Variants in ATP8A2 observed in about 807,000 individuals in gnomAD.
The protein encoded by ATP8A2 is phospholipid-transporting ATPase IB.
In ATP8A2, 100 loss-of-function variants were observed where a neutral mutation model predicts 165.6. The observed-to-expected ratio is 0.60, with a 90% CI of 0.51 to 0.71. ATP8A2 has a LOEUF of 0.71. ATP8A2 is among the 30% of genes least tolerant of loss of function. ATP8A2 has a pLI of 0.00. For synonymous variants in ATP8A2, 543 were observed against 548.8 expected, an observed-to-expected ratio of 0.99 and a Z score of 0.15; for missense variants, 1,227 against 1,479.5, an observed-to-expected ratio of 0.83 and a Z score of 2.80.
rs1957060209 is a variant in ATP8A2, at chr13:26,020,025, G to A, written c.*40G>A. 3 of 1,423,796 alleles carry A rather than the reference G, an allele frequency of 2.1e-6. No homozygotes were observed. The highest frequency in any genetic ancestry group is 1.7e-5 in the Admixed American group (1 of 59,472). 88.2% of individuals were successfully genotyped at this position (1,423,796 alleles called of 1,614,324 possible). On this transcript the variant is annotated 3_prime_UTR_variant, in exon 37 of 37. Transcript: ENST00000381655. ...TGACTGATCTTAGGAAAGAGATTCA[G>A]TTTGTTGCACCCAGTGTTAACACAT...
intron 35 of ATP8A2, among the ~76,000 whole-genome samples, chr13:26,001,726 T>A (rs1445941739): frequency 6.6e-6 from 1 of 152,232 alleles, no homozygotes; most frequent in East Asian, 1.9e-4. Context: ...TTGTTTGTTT[T>A]TTTGCTTTTG....
chr13:25,426,311 C>G (rs986877636), intron 1 of ATP8A2, among the ~76,000 whole-genome samples: 1 of 152,104 alleles, frequency 6.6e-6, no homozygotes, highest in Non-Finnish European at 1.5e-5. Context: ...AGAGTAGGAG[C>G]AAGAGACAGA....
chr13:25,574,872 C>T lies in ATP8A2; in HGVS notation c.1712+15C>T, dbSNP rs750686217. On this transcript the variant is annotated intron_variant, in intron 19 of 36. Coordinates refer to ENST00000381655, the MANE Select transcript of ATP8A2 (RefSeq NM_016529.6). The stretch of plus-strand genomic sequence containing the variant: ...GAATTTTCTAGGTATGTTTCTCTTT[C>T]ATACGTTTGAAATAAAATAATTATA... The T allele has an allele frequency of 2.9e-6, 4 of 1,401,758 alleles. No homozygotes were observed. The highest frequency in any genetic ancestry group is 3.5e-5 in the Admixed American group (2 of 57,650). 86.8% of individuals were successfully genotyped at this position (1,401,758 alleles called of 1,614,324 possible). A position where few individuals can be genotyped will look rare whatever the true frequency, so the allele number is the denominator to read the frequency against.
intron 27 of ATP8A2, among the ~76,000 whole-genome samples, chr13:25,815,881 C>T (rs1304170506): frequency 6.6e-6 from 1 of 152,188 alleles, no homozygotes; most frequent in Non-Finnish European, 1.5e-5. Flanking sequence ...CTAATACATG[C>T]TACAACATGG....
chr13:25,463,129 T>TTTTG (rs1345322537), intron 1 of ATP8A2, among the ~76,000 whole-genome samples: 3 of 148,826 alleles, frequency 2.0e-5, no homozygotes, highest in Non-Finnish European at 4.5e-5. Flanking sequence ...CTGAAGTGTT[T>TTTTG]TTTTTTTTTT....
At chr13:25,789,415 A>G (rs921442225) in intron 27 of ATP8A2, among the ~76,000 whole-genome samples, 1 of 152,230 alleles carries the variant, frequency 6.6e-6, no homozygotes, top group Non-Finnish European at 1.5e-5. Flanking sequence ...AATTCATTGT[A>G]CAAAAATCAC....
At chr13:25,657,642 A>T (rs1176431092) in intron 24 of ATP8A2, among the ~76,000 whole-genome samples, 1 of 152,200 alleles carries the variant, frequency 6.6e-6, no homozygotes, top group Non-Finnish European at 1.5e-5. Flanking sequence ...AATTTTTGTA[A>T]TGGGAAGAAA....
intron 24 of ATP8A2, among the ~76,000 whole-genome samples, chr13:25,651,897 T>G (rs974373325): frequency 6.6e-6 from 1 of 152,210 alleles, no homozygotes; most frequent in Non-Finnish European, 1.5e-5. Flanking sequence ...TTTATAATTT[T>G]GTTTATTACT....
rs925545504 is a variant in ATP8A2 at position 25,742,749 on chromosome 13, T to C, written c.2385-26297T>C. ...CTGAAGGATATGAGCTGGGAACTCA[T>C]GACCAGAGATTCTAGAAAAGATGGA... On this transcript the variant is annotated intron_variant, in intron 25 of 36. Transcript: ENST00000381655. Among the ~76,000 whole-genome samples the C allele has an allele frequency of 2.0e-5, 3 of 150,230 alleles. No individual in the cohort carries two copies. In the Admixed American group the frequency reaches 2.0e-4, roughly 10 times the overall value.
chr13:25,531,580 G>A (rs1026467870), intron 4 of ATP8A2, among the ~76,000 whole-genome samples: 8 of 151,180 alleles, frequency 5.3e-5, no homozygotes, highest in Non-Finnish European at 8.8e-5. Flanking sequence ...CTGGGAATAG[G>A]TATGTAAATA....
chr13:25,435,926 TGTGTGA>T (rs1368782841), intron 1 of ATP8A2, among the ~76,000 whole-genome samples: 6 of 24,386 alleles, frequency 2.5e-4, no homozygotes, highest in Non-Finnish European at 5.3e-4. Flanking sequence ...TGTGTGTGTG[TGTGTGA>T]GTGTGTGTGT....
chr13:25,611,842 A>G (rs761453780), intron 24 of ATP8A2, among the ~76,000 whole-genome samples: 1 of 152,054 alleles, frequency 6.6e-6, no homozygotes, highest in South Asian at 2.1e-4. Flanking sequence ...CACGGTTTCT[A>G]TTTATTCCTG....
chr13:25,775,975 A>G (rs948609548), intron 27 of ATP8A2, among the ~76,000 whole-genome samples: 24 of 152,232 alleles, frequency 1.6e-4, no homozygotes, highest in African/African-American at 5.3e-4. Flanking sequence ...GGTCAAACAT[A>G]TAAGTTCATG....
At chr13:25,842,714 G>C (rs1286810941) in intron 30 of ATP8A2, among the ~76,000 whole-genome samples, 1 of 150,936 alleles carries the variant, frequency 6.6e-6, no homozygotes, top group Non-Finnish European at 1.5e-5. Context: ...AGGAAAGAAG[G>C]AAGGAAGGAA....
chr13:25,695,073 A>G (rs758957930), intron 24 of ATP8A2, among the ~76,000 whole-genome samples: 5 of 152,106 alleles, frequency 3.3e-5, no homozygotes, highest in Non-Finnish European at 7.3e-5. Flanking sequence ...GAGATATTGC[A>G]GATTTGGGAC....
At chr13:25,510,443 A>G (rs2037188976) in intron 2 of ATP8A2, among the ~76,000 whole-genome samples, 1 of 152,224 alleles carries the variant, frequency 6.6e-6, no homozygotes, top group Non-Finnish European at 1.5e-5. Context: ...GAATAAAGTG[A>G]TTTCCATTTA....
At chr13:25,693,396 G>A (rs188672162) in intron 24 of ATP8A2, among the ~76,000 whole-genome samples, 1 of 152,306 alleles carries the variant, frequency 6.6e-6, no homozygotes, top group Admixed American at 6.5e-5. Context: ...GGCATGGAAA[G>A]TGCAGGAATT....
chr13:25,864,706 G>A (rs1475078638), intron 33 of ATP8A2, among the ~76,000 whole-genome samples: 2 of 152,218 alleles, frequency 1.3e-5, no homozygotes, highest in African/African-American at 4.8e-5. Context: ...AGATGATAAT[G>A]ATGTGAAATA....
chr13:25,832,182 C>T (rs1951495946), intron 28 of ATP8A2, among the ~76,000 whole-genome samples: 1 of 152,108 alleles, frequency 6.6e-6, no homozygotes, highest in South Asian at 2.1e-4. Context: ...AGGTGATCTG[C>T]CTGCCTCGGC....
Sources: allele counts gnomAD v4.1 joint callset (sites outside exome capture counted in the v4.1 genomes callset), GRCh38; gene constraint gnomAD v4.1.1; transcripts MANE v1.5; gene names NCBI Gene and HGNC (gene_info 2026-07-23, HGNC 2026-07-21).